GPHN: variants seen among roughly 807,000 people sequenced by gnomAD.
GPHN encodes gephyrin.
In GPHN, 17 loss-of-function variants were observed where a neutral mutation model predicts 95.5. The observed-to-expected ratio is 0.18, with a 90% confidence interval of 0.12 to 0.27. The LOEUF is 0.27. Among genes scored for constraint, GPHN ranks in the 10% least tolerant of loss-of-function variants. The pLI is 1.00. For missense variants in GPHN, 660 were observed against 978.1 expected (o/e 0.67, Z 4.34); for synonymous variants, 320 against 322.5 (o/e 0.99, Z 0.08).
intron 3 of GPHN, among the ~76,000 whole-genome samples, chr14:66,815,683 G>T (rs1022972565): frequency 2.6e-5 from 4 of 152,146 alleles, no homozygotes; most frequent in Non-Finnish European, 4.4e-5. Flanking sequence ...GGAAAGGAAA[G>T]ACCATTACCA....
intron 10 of GPHN, among the ~76,000 whole-genome samples, chr14:67,035,562 G>A (rs1158609382): frequency 5.9e-5 from 9 of 151,662 alleles, no homozygotes; most frequent in Non-Finnish European, 1.2e-4. Context: ...CTGATGCTTC[G>A]GAAATAGAGA....
At chr14:67,204,716 A>C in the GPHN span, 1 of 1,613,962 alleles carries the variant, frequency 6.2e-7, no homozygotes, top group Non-Finnish European at 8.5e-7. Context: ...GAGAAAGCCA[A>C]AGTTTCCAAA....
chr14:67,366,569 A>G, the GPHN span, among the ~76,000 whole-genome samples: 1 of 152,382 alleles, frequency 6.6e-6, no homozygotes, highest in Admixed American at 6.5e-5. Context: ...AAATCAGTAC[A>G]AATGCGTGCA....
chr14:67,195,497 C>T, the GPHN span, among the ~76,000 whole-genome samples: 1 of 152,076 alleles, frequency 6.6e-6, no homozygotes, highest in Non-Finnish European at 1.5e-5. Flanking sequence ...AAGTGTGAAC[C>T]GTAGACACAC....
At chr14:67,545,719 A>T in the GPHN span, among the ~76,000 whole-genome samples, 1 of 152,248 alleles carries the variant, frequency 6.6e-6, no homozygotes, top group South Asian at 2.1e-4. Flanking sequence ...CTACATTGCA[A>T]TTAAAAATGA....
intron 1 of GPHN, among the ~76,000 whole-genome samples, chr14:66,559,981 A>G (rs142918240): frequency 0.018 from 2,712 of 152,308 alleles, 35 homozygotes; most frequent in Non-Finnish European, 0.027. Flanking sequence ...TCCCAGCAGC[A>G]TTTATTAAAT....
chr14:67,300,347 T>TTTTTTTTTTTTTTTTTTA, the GPHN span, among the ~76,000 whole-genome samples: 1 of 151,598 alleles, frequency 6.6e-6, no homozygotes, highest in African/African-American at 2.4e-5. Context: ...TTTTTTTTTT[T>TTTTTTTTTTTTTTTTTTA]GAGAAAGTCT....
the GPHN span, among the ~76,000 whole-genome samples, chr14:67,260,114 A>G: frequency 6.6e-6 from 1 of 152,208 alleles, no homozygotes; most frequent in Non-Finnish European, 1.5e-5. Context: ...CATCTCTCTA[A>G]TAAGTGATAC....
At chr14:67,667,819 C>T in the GPHN span, among the ~76,000 whole-genome samples, 482 of 152,208 alleles carry the variant, frequency 3.2e-3, 17 homozygotes, top group East Asian at 0.081. Context: ...TGGTGGGCGC[C>T]TGTAGTCCCA....
At chr14:67,268,407 T>G in the GPHN span, among the ~76,000 whole-genome samples, 1 of 152,132 alleles carries the variant, frequency 6.6e-6, no homozygotes, top group Non-Finnish European at 1.5e-5. Flanking sequence ...TTGGGGCAAG[T>G]CCATAGAGTA....
chr14:67,179,490 T>G (rs2083206762), intron 21 of GPHN, 88 bp from the exon 22 acceptor site: 3 of 773,636 alleles, frequency 3.9e-6, no homozygotes, highest in Non-Finnish European at 7.0e-6. Context: ...CCATGTCCAC[T>G]GTATTCTTTG....
chr14:67,040,494 T>G (rs1567242563), intron 10 of GPHN, among the ~76,000 whole-genome samples: 2 of 152,190 alleles, frequency 1.3e-5, no homozygotes, highest in Non-Finnish European at 2.9e-5. Context: ...TTATGTAATC[T>G]TATTCAAATT....
chr14:67,392,405 A>G, the GPHN span: 1 of 1,613,664 alleles, frequency 6.2e-7, no homozygotes, highest in Non-Finnish European at 8.5e-7. Context: ...CTTGGGGCTT[A>G]TCTTCTTTTT....
the GPHN span, among the ~76,000 whole-genome samples, chr14:67,282,213 G>A: frequency 1.3e-5 from 2 of 151,654 alleles, no homozygotes; most frequent in South Asian, 4.2e-4. Flanking sequence ...TTTTTTTCTT[G>A]TTCATAATCT....
chr14:67,292,648 A>G, the GPHN span: 1 of 1,613,808 alleles, frequency 6.2e-7, no homozygotes, highest in Non-Finnish European at 8.5e-7. Context: ...ACACAATGCC[A>G]TCACAGTACA....
chr14:67,724,568 C>CG, the GPHN span: 1 of 1,613,550 alleles, frequency 6.2e-7, no homozygotes, highest in Non-Finnish European at 8.5e-7. Flanking sequence ...GGCAAGGAGA[C>CG]GGCCAGAGAG....
chr14:66,589,407 G>A (rs1408820645), intron 1 of GPHN, among the ~76,000 whole-genome samples: 1 of 152,012 alleles, frequency 6.6e-6, no homozygotes, highest in African/African-American at 2.4e-5. Flanking sequence ...AATGTAAACA[G>A]GCTAAATGCC....
intron 8 of GPHN, among the ~76,000 whole-genome samples, chr14:66,930,824 G>A (rs147234596): frequency 2.4e-4 from 36 of 152,218 alleles, no homozygotes; most frequent in African/African-American, 8.7e-4. Context: ...CATGCCTATA[G>A]TTATTATTTT....
intron 1 of GPHN, among the ~76,000 whole-genome samples, chr14:66,541,522 A>G (rs915106651): frequency 1.3e-5 from 2 of 152,194 alleles, no homozygotes; most frequent in African/African-American, 4.8e-5. Flanking sequence ...TTAAGTTTAT[A>G]TAGTCATTTA....
Sources: gnomAD v4.1 joint callset for allele counts (sites outside exome capture counted in the v4.1 genomes callset) on GRCh38, gnomAD v4.1.1 for gene constraint, MANE v1.5 for transcripts, NCBI Gene and HGNC (gene_info 2026-07-23, HGNC 2026-07-21) for gene names.